The following AUTS2 variants were observed in gnomAD, a reference collection of about 807,000 sequenced individuals.
AUTS2 encodes autism susceptibility gene 2 protein.
Under a neutral mutation model 112.4 loss-of-function variants are expected in AUTS2, and 17 were observed. The ratio of observed to expected loss-of-function variants is 0.15; its 90% confidence interval spans 0.10 to 0.23. The LOEUF is 0.23. AUTS2 is among the 10% of genes least tolerant of loss of function. The pLI is 1.00. For synonymous variants in AUTS2, 751 were observed against 702.7 expected (o/e 1.07, Z -1.09); for missense variants, 1,510 against 1,701.6 (o/e 0.89, Z 1.98).
At chr7:70,632,250 G>A (rs1236073940) in intron 5 of AUTS2, among the ~76,000 whole-genome samples, 1 of 152,064 alleles carries the variant, frequency 6.6e-6, no homozygotes, top group Non-Finnish European at 1.5e-5. Flanking sequence ...GCAGTAATTA[G>A]TGCAGAGTGC....
chr7:70,595,768 T>A (rs1215130074), intron 5 of AUTS2, among the ~76,000 whole-genome samples: 1 of 152,126 alleles, frequency 6.6e-6, no homozygotes, highest in Non-Finnish European at 1.5e-5. Flanking sequence ...GAAGACAGAG[T>A]GTGACGTCTA....
intron 4 of AUTS2, among the ~76,000 whole-genome samples, chr7:70,148,194 G>A (rs1807237418): frequency 6.6e-6 from 1 of 152,046 alleles, no homozygotes; most frequent in Non-Finnish European, 1.5e-5. Flanking sequence ...CTGAACCCAT[G>A]TAAATAACTG....
intron 5 of AUTS2, among the ~76,000 whole-genome samples, chr7:70,678,224 ATACT>A (rs1313913327): frequency 7.2e-5 from 11 of 152,304 alleles, no homozygotes; most frequent in African/African-American, 2.6e-4. Flanking sequence ...TACATAGTTC[ATACT>A]TAGTAAAAGT....
chr7:70,005,946 G>A (rs1187816151), intron 2 of AUTS2, among the ~76,000 whole-genome samples: 1 of 152,126 alleles, frequency 6.6e-6, no homozygotes, highest in Non-Finnish European at 1.5e-5. Flanking sequence ...TCTGCAGTTG[G>A]ATTGTGTATA....
At chr7:69,762,479 T>G (rs1486215979) in intron 1 of AUTS2, among the ~76,000 whole-genome samples, 2 of 151,794 alleles carry the variant, frequency 1.3e-5, no homozygotes, top group Non-Finnish European at 2.9e-5. Context: ...GCTAATTTTT[T>G]TGTGTTTTTG....
chr7:70,268,701 T>C (rs769568177), intron 4 of AUTS2, among the ~76,000 whole-genome samples: 4 of 152,244 alleles, frequency 2.6e-5, no homozygotes, highest in Non-Finnish European at 4.4e-5. Context: ...AGAAAAGTTA[T>C]AGTAGAAGCA....
intron 5 of AUTS2, among the ~76,000 whole-genome samples, chr7:70,486,977 A>C (rs991901858): frequency 2.0e-5 from 3 of 148,484 alleles, no homozygotes; most frequent in Admixed American, 6.7e-5. Flanking sequence ...TAGGCCCCAC[A>C]GGGCCTTTCC....
chr7:69,887,413 C>CAA lies in AUTS2; in HGVS notation c.310-11853_310-11852dup, dbSNP rs142082810. Among the ~76,000 whole-genome samples, 238 of 53,014 alleles carry CAA rather than the reference C, an allele frequency of 4.5e-3. 2 individuals are homozygous for CAA. Among genetic ancestry groups the CAA allele is most frequent in the African/African-American group, 0.012 (207 of 16,608 alleles). 34.8% of individuals were successfully genotyped at this position (53,014 alleles called of 152,430 possible). A position where few individuals can be genotyped will look rare whatever the true frequency, so the allele number is the denominator to read the frequency against. Reference sequence around the variant, plus strand: ...CCTGGGTAATAGAGCAAGACTTCATCAAAAAAAAAAAAAAAAAAAAAGTAA... The same window carrying CAA: ...CCTGGGTAATAGAGCAAGACTTCATCAAAAAAAAAAAAAAAAAAAAAAAGTAA... On this transcript the variant is annotated intron_variant, in intron 1 of 18. Transcript: ENST00000342771.
intron 1 of AUTS2, among the ~76,000 whole-genome samples, chr7:69,838,601 A>G (rs2129528319): frequency 6.6e-6 from 1 of 152,326 alleles, no homozygotes; most frequent in East Asian, 1.9e-4. Context: ...AAAGCTGGGC[A>G]GGAATAGTCC....
At chr7:69,683,321 G>C (rs1796896104) in intron 1 of AUTS2, among the ~76,000 whole-genome samples, 1 of 152,208 alleles carries the variant, frequency 6.6e-6, no homozygotes, top group Non-Finnish European at 1.5e-5. Flanking sequence ...AAAAGTGGCA[G>C]GAACCGCCAT....
chr7:70,521,579 A>G (rs184116436), intron 5 of AUTS2, among the ~76,000 whole-genome samples: 10 of 152,282 alleles, frequency 6.6e-5, no homozygotes, highest in Non-Finnish European at 2.9e-5. Flanking sequence ...ACTCAGTCCT[A>G]CCTACAAAAT....
At chr7:70,370,745 T>C (rs1250777778) in intron 4 of AUTS2, among the ~76,000 whole-genome samples, 2 of 152,194 alleles carry the variant, frequency 1.3e-5, no homozygotes. Flanking sequence ...ATTTGAGTAA[T>C]TGCCAGACCA....
intron 5 of AUTS2, among the ~76,000 whole-genome samples, chr7:70,688,525 TAAAC>T (rs1808581795): frequency 6.6e-6 from 1 of 151,498 alleles, no homozygotes; most frequent in Non-Finnish European, 1.5e-5. Context: ...ACAGAGAAAA[TAAAC>T]AAAAAAAACA....
chr7:69,672,306 G>A (rs565053444), intron 1 of AUTS2, among the ~76,000 whole-genome samples: 4 of 152,166 alleles, frequency 2.6e-5, no homozygotes, highest in Admixed American at 1.3e-4. Context: ...TGATCCACCC[G>A]CCTCAGCCTC....
At position 69,783,206 on chromosome 7, in the gene AUTS2, C is replaced by A. The variant is rs116947032; in HGVS notation, c.310-116080C>A. 1.9e-3 allele frequency among the ~76,000 whole-genome samples: 292 copies of A among 150,612 alleles called. 1 individual carries two copies. The highest frequency in any genetic ancestry group is 0.01 in the Middle Eastern group (3 of 290). ...TCTCCTTTGCTTCTCCTCTTCGGCT[C>A]ATTGAGAATCTGTTTGAGATACTTG... On this transcript the variant is annotated intron_variant, in intron 1 of 18. Transcript: ENST00000342771.
At chr7:69,906,962 C>G (rs1795171475) in intron 2 of AUTS2, among the ~76,000 whole-genome samples, 1 of 152,006 alleles carries the variant, frequency 6.6e-6, no homozygotes, top group Non-Finnish European at 1.5e-5. Context: ...AAAAAATTAG[C>G]TGGGCATGGT....
chr7:70,091,154 C>G (rs1803898322), intron 2 of AUTS2, among the ~76,000 whole-genome samples: 1 of 152,154 alleles, frequency 6.6e-6, no homozygotes, highest in African/African-American at 2.4e-5. Context: ...ACAGTCTTTG[C>G]AATTGCATTT....
chr7:69,928,980 C>T (rs1796132685), intron 2 of AUTS2, among the ~76,000 whole-genome samples: 1 of 152,208 alleles, frequency 6.6e-6, no homozygotes, highest in African/African-American at 2.4e-5. Context: ...CTTCATTTCT[C>T]TGGGTAGATC....
chr7:69,760,101 A>G (rs1277943383), intron 1 of AUTS2, among the ~76,000 whole-genome samples: 2 of 151,932 alleles, frequency 1.3e-5, no homozygotes, highest in Non-Finnish European at 2.9e-5. Flanking sequence ...CTGGCAAAAA[A>G]AACAAGTATC....
Sources: allele counts gnomAD v4.1 joint callset (sites outside exome capture counted in the v4.1 genomes callset), GRCh38; gene constraint gnomAD v4.1.1; transcripts MANE v1.5; gene names NCBI Gene and HGNC (gene_info 2026-07-23, HGNC 2026-07-21).